The following AGBL4 variants were observed in gnomAD, a reference collection of about 807,000 sequenced individuals.
AGBL4 encodes cytosolic carboxypeptidase 6.
A neutral mutation model predicts 66.4 loss-of-function variants in AGBL4; 58 were observed. The observed-to-expected ratio is 0.87, with a 90% CI of 0.71 to 1.09. The LOEUF (loss-of-function observed/expected upper bound fraction) is 1.09, where lower values mean the gene tolerates loss of function less well. Among genes scored for constraint, AGBL4 ranks in the 50% least tolerant of loss-of-function variants. AGBL4 has a pLI of 0.00. For synonymous variants in AGBL4, 234 were observed against 222.9 expected (o/e 1.05, Z -0.44); for missense variants, 579 against 631.0 (o/e 0.92, Z 0.88).
chr1:49,946,024 T>C (rs940274440), intron 1 of AGBL4, among the ~76,000 whole-genome samples: 5 of 152,038 alleles, frequency 3.3e-5, no homozygotes, highest in South Asian at 4.1e-4. Context: ...CCTAAATATA[T>C]ATGCACCTAG....
At chr1:49,011,576 G>GCA (rs1662416489) in intron 5 of AGBL4, among the ~76,000 whole-genome samples, 1 of 152,056 alleles carries the variant, frequency 6.6e-6, no homozygotes, top group Admixed American at 6.6e-5. Context: ...AAAGACACAT[G>GCA]CACACATATG....
At chr1:49,001,296 T>C (rs552327139) in intron 5 of AGBL4, among the ~76,000 whole-genome samples, 2 of 152,198 alleles carry the variant, frequency 1.3e-5, no homozygotes, top group Non-Finnish European at 2.9e-5. Flanking sequence ...CATCTTGAAA[T>C]CTTCAATTGA....
rs1645299199 is a variant in AGBL4, at chr1:49,329,889, T to C, written c.283-84025A>G. On this transcript the variant is annotated intron_variant, in intron 3 of 13. Transcript: ENST00000371839. ...ATAATATCACAAGGTCTGTCTTATA[T>C]ATATTTACTTGAGAACATATGTATC... 2.0e-5 allele frequency among the ~76,000 whole-genome samples: 3 copies of C among 152,108 alleles called. No homozygotes were observed. The South Asian group carries it at 6.2e-4, about 31-fold the overall frequency.
chr1:49,639,577 C>T (rs1364822837), intron 3 of AGBL4, among the ~76,000 whole-genome samples: 1 of 152,144 alleles, frequency 6.6e-6, no homozygotes, highest in Non-Finnish European at 1.5e-5. Context: ...CTTGTTCTTG[C>T]TACAAGAAGT....
intron 6 of AGBL4, among the ~76,000 whole-genome samples, chr1:48,750,122 G>C (rs766517877): frequency 1.4e-4 from 21 of 152,182 alleles, no homozygotes; most frequent in Admixed American, 8.5e-4. Flanking sequence ...AGCCCTTCCA[G>C]AGTAGGGACC....
intron 2 of AGBL4, among the ~76,000 whole-genome samples, chr1:49,701,189 GGCTTAGGCA>G (rs1189501451): frequency 6.6e-6 from 1 of 151,978 alleles, no homozygotes; most frequent in Non-Finnish European, 1.5e-5. Flanking sequence ...GTACATGGGA[GGCTTAGGCA>G]GCAGAATCAC....
At position 49,412,696 on chromosome 1, in the gene AGBL4, T is replaced by C. The variant is rs142124805; in HGVS notation, c.283-166832A>G. ...AGTGGAGTTGAACTTCTTAAGAGTA[T>C]CTAGGAATGAAATTACATATCCAGA... On this transcript the variant is annotated intron_variant, in intron 3 of 13. Transcript: ENST00000371839. Among the ~76,000 whole-genome samples, 7 of 152,292 alleles carry C rather than the reference T, an allele frequency of 4.6e-5. No individual in the cohort carries two copies. In the East Asian group the frequency reaches 1.4e-3, roughly 29 times the overall value.
intron 3 of AGBL4, among the ~76,000 whole-genome samples, chr1:49,323,900 A>G (rs1309486805): frequency 2.0e-5 from 3 of 152,148 alleles, no homozygotes; most frequent in African/African-American, 7.2e-5. Flanking sequence ...CTCTCTTAGC[A>G]TTTAGTTTAT....
chr1:49,832,389 T>A (rs1440418326), intron 2 of AGBL4, among the ~76,000 whole-genome samples: 1 of 150,606 alleles, frequency 6.6e-6, no homozygotes, highest in East Asian at 1.9e-4. Flanking sequence ...CTTAATCCAG[T>A]CTATCATTGT....
At chr1:49,190,897 G>A (rs945484378) in intron 4 of AGBL4, among the ~76,000 whole-genome samples, 9 of 152,168 alleles carry the variant, frequency 5.9e-5, no homozygotes, top group Non-Finnish European at 1.3e-4. Context: ...GGTTTTACAG[G>A]CCTGGAACTC....
intron 4 of AGBL4, among the ~76,000 whole-genome samples, chr1:49,144,943 T>G (rs1229935845): frequency 6.6e-6 from 1 of 151,796 alleles, no homozygotes; most frequent in Non-Finnish European, 1.5e-5. Context: ...AGCCTAAGGG[T>G]GAGTGTCTAA....
At chr1:49,338,918 G>A (rs527668314) in intron 3 of AGBL4, among the ~76,000 whole-genome samples, 1 of 152,234 alleles carries the variant, frequency 6.6e-6, no homozygotes, top group East Asian at 1.9e-4. Context: ...TCCTAAGTAT[G>A]TGTTTTTTGA....
chr1:48,854,308 G>C (rs995156177), intron 6 of AGBL4, among the ~76,000 whole-genome samples: 1 of 152,154 alleles, frequency 6.6e-6, no homozygotes, highest in East Asian at 1.9e-4. Context: ...AGACTCTGTG[G>C]TCTGCTCTCC....
At chr1:48,831,698 C>G (rs1646556510) in intron 6 of AGBL4, among the ~76,000 whole-genome samples, 1 of 152,174 alleles carries the variant, frequency 6.6e-6, no homozygotes, top group Non-Finnish European at 1.5e-5. Flanking sequence ...GTGGATTGAG[C>G]AAGATTTTGA....
intron 3 of AGBL4, among the ~76,000 whole-genome samples, chr1:49,342,923 G>A (rs1431151158): frequency 1.3e-5 from 2 of 152,170 alleles, no homozygotes; most frequent in Non-Finnish European, 2.9e-5. Context: ...CACCTGGAAG[G>A]TTACCTTTGG....
chr1:48,873,682 G>T lies in AGBL4; in HGVS notation c.595-6452C>A, dbSNP rs1339525660. On this transcript the variant is annotated intron_variant, in intron 5 of 13. Coordinates refer to ENST00000371839, the MANE Select transcript of AGBL4 (RefSeq NM_032785.4). ...TCCCACTGAATTGGTCACCAAAAGA[G>T]GTCTTTAGTTTTACCCCTTGTCTTC... Among the ~76,000 whole-genome samples the T allele has an allele frequency of 2.0e-5, 3 of 152,156 alleles. No individual in the cohort carries two copies. The East Asian group carries it at 5.8e-4, about 30-fold the overall frequency.
rs1296465363 is a variant in AGBL4, at chr1:49,303,479, G to A, written c.283-57615C>T. On this transcript the variant is annotated intron_variant, in intron 3 of 13. Coordinates refer to ENST00000371839, the MANE Select transcript of AGBL4 (RefSeq NM_032785.4). ...TATTTATTTATTTATTTGAGACAGA[G>A]TCTTGCTCTGTCACCCAGGCTGGAG... Among the ~76,000 whole-genome samples the A allele has an allele frequency of 2.1e-4, 8 of 38,716 alleles. No homozygotes were observed. The East Asian group carries it at 2.5e-3, about 12-fold the overall frequency. 25.4% of individuals were successfully genotyped at this position (38,716 alleles called of 152,430 possible). A position where few individuals can be genotyped will look rare whatever the true frequency, so the allele number is the denominator to read the frequency against.
At chr1:49,283,532 G>C (rs573423395) in intron 3 of AGBL4, among the ~76,000 whole-genome samples, 1 of 152,206 alleles carries the variant, frequency 6.6e-6, no homozygotes, top group Non-Finnish European at 1.5e-5. Context: ...TGACTTTGAC[G>C]AGCTGAGAGA....
chr1:48,961,582 G>GA (rs1459831172), intron 5 of AGBL4, among the ~76,000 whole-genome samples: 1 of 152,176 alleles, frequency 6.6e-6, no homozygotes, highest in Non-Finnish European at 1.5e-5. Flanking sequence ...GGAAGGTTGA[G>GA]AAAAGAGCAA....
Sources: allele counts gnomAD v4.1 joint callset (sites outside exome capture counted in the v4.1 genomes callset), GRCh38; gene constraint gnomAD v4.1.1; transcripts MANE v1.5; gene names NCBI Gene and HGNC (gene_info 2026-07-23, HGNC 2026-07-21).